The following ZNF236 variants were observed in gnomAD, a reference collection of about 807,000 sequenced individuals.
The protein encoded by ZNF236 is regulated by glucose.
A neutral mutation model predicts 191.2 loss-of-function variants in ZNF236; 50 were observed. The observed-to-expected ratio is 0.26, with a 90% CI of 0.21 to 0.33. The LOEUF (loss-of-function observed/expected upper bound fraction) is 0.33, where lower values mean the gene tolerates loss of function less well. Among genes scored for constraint, ZNF236 ranks in the 10% least tolerant of loss-of-function variants. The pLI, the probability that ZNF236 is intolerant of heterozygous loss-of-function variation, is 1.00. For synonymous variants in ZNF236, 907 were observed against 928.8 expected (o/e 0.98, Z 0.43); for missense variants, 1,754 against 2,374.5 (o/e 0.74, Z 5.43).
chr18:76,920,125 G>A, intron 20 of ZNF236, 67 bp downstream of exon 20: 1 of 1,526,010 alleles, frequency 6.6e-7, no homozygotes, highest in Non-Finnish European at 8.8e-7. Flanking sequence ...CTGCTCCTTT[G>A]GTGATTTTCA....
chr18:76,909,780 C>T (rs759177293), intron 14 of ZNF236, among the ~76,000 whole-genome samples: 7 of 152,068 alleles, frequency 4.6e-5, no homozygotes, highest in Admixed American at 1.3e-4. Context: ...ACCATGCACA[C>T]GCAGAAAGGT....
At chr18:76,935,693 A>C (rs539310768) in intron 25 of ZNF236, among the ~76,000 whole-genome samples, 62 of 152,162 alleles carry the variant, frequency 4.1e-4, no homozygotes, top group African/African-American at 1.4e-3. Context: ...CCCAGTCTCT[A>C]TGGTTTTGAC....
At chr18:76,956,844 G>A (rs966176722) in intron 28 of ZNF236, among the ~76,000 whole-genome samples, 18 of 152,340 alleles carry the variant, frequency 1.2e-4, no homozygotes, top group African/African-American at 4.1e-4. Context: ...GGGTGTGGAA[G>A]GGGTGGAACA....
chr18:76,872,214 C>A (rs769607572), intron 5 of ZNF236, among the ~76,000 whole-genome samples: 4 of 152,200 alleles, frequency 2.6e-5, no homozygotes, highest in Non-Finnish European at 4.4e-5. Context: ...GATGTGGTGG[C>A]TTACATCCAT....
At chr18:76,890,495 A>C (rs1255154860) in intron 9 of ZNF236, among the ~76,000 whole-genome samples, 1 of 152,230 alleles carries the variant, frequency 6.6e-6, no homozygotes, top group East Asian at 1.9e-4. Context: ...AAAAGGAATA[A>C]GTTTTGATAA....
chr18:76,857,326 C>T (rs957678046), intron 3 of ZNF236, among the ~76,000 whole-genome samples: 8 of 119,672 alleles, frequency 6.7e-5, no homozygotes, highest in African/African-American at 2.8e-4. Context: ...CAACAGCCCT[C>T]AGGGTTCCAC....
chr18:76,832,544 AAT>A (rs1410530317), intron 1 of ZNF236, among the ~76,000 whole-genome samples: 1 of 151,520 alleles, frequency 6.6e-6, no homozygotes, highest in East Asian at 1.9e-4. Flanking sequence ...TCAGGTGAAG[AAT>A]TGTTCTGTAC....
In ZNF236 at chr18:76,875,005, G is replaced by A. The variant is rs904091767; in HGVS notation, c.668-487G>A. Among the ~76,000 whole-genome samples, 10 of 152,200 alleles carry A rather than the reference G, an allele frequency of 6.6e-5. No homozygotes were observed. The highest frequency in any genetic ancestry group is 1.3e-4 in the Non-Finnish European group (9 of 68,036). The stretch of plus-strand genomic sequence containing the variant: ...AGACTTAAAGAGGGTCATTTTGTCT[G>A]TTGTTTTGAGAGCAGCCTAGGAAGG... On this transcript the variant is annotated intron_variant, in intron 5 of 30. Coordinates refer to ENST00000320610, the MANE Select transcript of ZNF236 (RefSeq NM_001306089.2). This position sits in a 1 kb window ranked among gnomAD's most constrained non-coding sequence, Gnocchi z 4.3.
At chr18:76,939,569 A>T (rs566482792) in intron 26 of ZNF236, among the ~76,000 whole-genome samples, 107 of 152,282 alleles carry the variant, frequency 7.0e-4, no homozygotes, top group Non-Finnish European at 1.3e-3. Flanking sequence ...CATTCAAGGA[A>T]CACACTTCAA....
At chr18:76,906,392 T>C (rs1164067369) in intron 13 of ZNF236, among the ~76,000 whole-genome samples, 1 of 152,174 alleles carries the variant, frequency 6.6e-6, no homozygotes, top group African/African-American at 2.4e-5. Context: ...GGGAATCCTG[T>C]GCAGGGCACT....
At chr18:76,908,634 C>T (rs1279751953) in intron 14 of ZNF236, 61 bp downstream of exon 14, 6 of 1,548,398 alleles carry the variant, frequency 3.9e-6, no homozygotes, top group Non-Finnish European at 5.2e-6. Flanking sequence ...GCCTTTCCCA[C>T]TCATTGCAGT....
At chr18:76,940,348 C>T (rs543385041) in intron 26 of ZNF236, among the ~76,000 whole-genome samples, 38 of 146,896 alleles carry the variant, frequency 2.6e-4, no homozygotes, top group Non-Finnish European at 4.2e-4. Context: ...TTTGGGAACA[C>T]GGTGGGCGAC....
intron 5 of ZNF236, among the ~76,000 whole-genome samples, chr18:76,874,421 T>C (rs887658726): frequency 2.0e-5 from 3 of 152,066 alleles, no homozygotes; most frequent in Non-Finnish European, 2.9e-5. Context: ...TTTTGCTCAT[T>C]CCTTCATTCA....
chr18:76,956,292 C>T, intron 28 of ZNF236, 110 bp downstream of exon 28: 1 of 1,353,804 alleles, frequency 7.4e-7, no homozygotes, highest in South Asian at 1.3e-5. Flanking sequence ...GAGGAAAAGG[C>T]CGGTTTTTGA....
At chr18:76,826,313 G>A (rs1440310672) in intron 1 of ZNF236, among the ~76,000 whole-genome samples, 4 of 147,286 alleles carry the variant, frequency 2.7e-5, no homozygotes, top group African/African-American at 5.0e-5. Context: ...TAGTAGAGAC[G>A]GGGTTTCACC....
In ZNF236 at chr18:76,928,049, G is replaced by A. The variant is rs1967753164; in HGVS notation, c.4537G>A (p.Gly1513Arg). ...GAGCCAGGTCCTGGCACAGGCCGCT[G>A]GGCCCACTGCCACGTCTTCCTCGGG... ...SLSQVLAQAA[G>R]PTATSSSGSP... Residue 1513 changes from glycine to arginine, a missense_variant, in exon 25 of 31, where the codon GGG becomes AGG. Gly to Arg is a moderately radical substitution (Grantham distance 125). This residue lies in a region of ZNF236 where 606 missense variants were observed against 761.5 expected (regional missense o/e 0.80). Coordinates refer to ENST00000320610, the MANE Select transcript of ZNF236 (RefSeq NM_001306089.2). 6.2e-7 allele frequency: 1 copy of A among 1,613,614 alleles called. No individual in the cohort carries two copies. The highest frequency in any genetic ancestry group is 8.5e-7 in the Non-Finnish European group (1 of 1,179,858).
intron 1 of ZNF236, among the ~76,000 whole-genome samples, chr18:76,846,149 G>A (rs531677344): frequency 2.6e-5 from 4 of 152,074 alleles, no homozygotes; most frequent in East Asian, 3.9e-4. Context: ...AGACAGTCTC[G>A]CTATATTGCC....
Position 76,895,067 on chromosome 18 carries a change from A to G in ZNF236, c.1472A>G (p.Lys491Arg), listed in dbSNP as rs1977361507. 1 of 1,611,896 alleles carries G rather than the reference A, an allele frequency of 6.2e-7. No homozygotes were observed. The highest frequency in any genetic ancestry group is 8.5e-7 in the Non-Finnish European group (1 of 1,180,000). Residue 491 changes from lysine to arginine, a missense_variant, in exon 10 of 31, where the codon AAG becomes AGG. Lys to Arg is a conservative substitution (Grantham distance 26, BLOSUM62 2). Around this residue, in one of 5 missense-constraint regions of ZNF236, gnomAD observed 126 missense variants for 110.9 expected, o/e 1.14. Coordinates refer to ENST00000320610, the MANE Select transcript of ZNF236 (RefSeq NM_001306089.2). The stretch of plus-strand genomic sequence containing the variant: ...TGGCATGTGTGTCCCTACTGCGCCA[A>G]GGAGTTCCGCAAGCCCAGCGACCTG... ...VRWHVCPYCA[K>R]EFRKPSDLVR...
chr18:76,939,652 G>A (rs1003411208), intron 26 of ZNF236, among the ~76,000 whole-genome samples: 1 of 152,150 alleles, frequency 6.6e-6, no homozygotes, highest in South Asian at 2.1e-4. Flanking sequence ...CTGCTAAGAT[G>A]TTGTTTTTAT....
Sources: gnomAD v4.1 joint callset for allele counts (sites outside exome capture counted in the v4.1 genomes callset) on GRCh38, gnomAD v4.1.1 for gene constraint, gnomAD v4.1.1 regional missense constraint, Gnocchi (gnomAD v3.1) non-coding constraint, MANE v1.5 for transcripts, NCBI Gene and HGNC (gene_info 2026-07-23, HGNC 2026-07-21) for gene names.